Variants in ATAD1 observed in about 807,000 individuals in gnomAD.
The protein encoded by ATAD1 is ATPase family AAA domain containing 1, also known as outer mitochondrial transmembrane helix translocase.
Under a neutral mutation model 42.7 loss-of-function variants are expected in ATAD1, and 18 were observed. That is an observed-to-expected ratio of 0.42 (90% CI 0.29 to 0.63). The LOEUF (loss-of-function observed/expected upper bound fraction) is 0.63, where lower values mean the gene tolerates loss of function less well. ATAD1 is among the 20% of genes least tolerant of loss of function. The probability of loss-of-function intolerance (pLI) is 0.19; values close to 1 mark genes in which losing one functional copy is unlikely to be tolerated. For missense variants in ATAD1, 294 were observed against 440.4 expected, an observed-to-expected ratio of 0.67 and a Z score of 2.98; for synonymous variants, 132 against 143.1, an observed-to-expected ratio of 0.92 and a Z score of 0.55.
At chr10:87,802,119 T>C (rs758877274) in intron 2 of ATAD1, among the ~76,000 whole-genome samples, 20 of 152,220 alleles carry the variant, frequency 1.3e-4, no homozygotes, top group Non-Finnish European at 2.9e-4. Context: ...CTTATGGCAA[T>C]ACAGTTATTT....
chr10:87,766,572 C>T (rs1854760226), intron 8 of ATAD1, among the ~76,000 whole-genome samples: 1 of 151,956 alleles, frequency 6.6e-6, no homozygotes, highest in Admixed American at 6.6e-5. Flanking sequence ...CATATGAGGC[C>T]AGGAGTTTGA....
At chr10:87,826,219 G>A (rs1245470040) in intron 1 of ATAD1, among the ~76,000 whole-genome samples, 1 of 152,196 alleles carries the variant, frequency 6.6e-6, no homozygotes, top group Non-Finnish European at 1.5e-5. Flanking sequence ...TTTTATAGAA[G>A]CACAGGAAAC....
At chr10:87,767,088 C>T (rs1854788024) in intron 8 of ATAD1, among the ~76,000 whole-genome samples, 1 of 152,148 alleles carries the variant, frequency 6.6e-6, no homozygotes, top group Non-Finnish European at 1.5e-5. Context: ...ATGTATCTTA[C>T]ATAAAATCAG....
chr10:87,809,041 T>C (rs922863469), intron 2 of ATAD1, among the ~76,000 whole-genome samples: 12 of 152,240 alleles, frequency 7.9e-5, no homozygotes, highest in Non-Finnish European at 1.8e-4. Context: ...TATAAAAAGA[T>C]ATTTTCACTA....
intron 5 of ATAD1, among the ~76,000 whole-genome samples, chr10:87,777,429 G>A (rs1348690393): frequency 6.6e-6 from 1 of 152,108 alleles, no homozygotes; most frequent in East Asian, 1.9e-4. Flanking sequence ...TGCTAATTAC[G>A]TTGTATTATA....
chr10:87,826,506 C>T (rs945742842), intron 1 of ATAD1, among the ~76,000 whole-genome samples: 3 of 152,196 alleles, frequency 2.0e-5, no homozygotes. Context: ...ATGTTTTCTT[C>T]TTCTATAGTG....
chr10:87,792,652 C>G lies in ATAD1; in HGVS notation c.261+5G>C. On this transcript the variant is annotated splice_donor_5th_base_variant and intron_variant, in intron 3 of 9. Coordinates refer to ENST00000680024, the MANE Select transcript of ATAD1 (RefSeq NM_001321967.2). ...AAAATCTTAAATAAGATTAAAGATA[C>G]ATACATGCATATTAAGAGGGTCTAC... 1.3e-6 allele frequency: 1 copy of G among 781,336 alleles called. No homozygotes were observed. The highest frequency in any genetic ancestry group is 2.1e-6 in the Non-Finnish European group (1 of 482,458). The allele number at this position is 781,336 out of a possible 1,614,324, so 48.4% of individuals were successfully genotyped here.
At chr10:87,821,813 G>A (rs1198956582), upstream of ATAD1, among the ~76,000 whole-genome samples, 1 of 152,212 alleles carries the variant, frequency 6.6e-6, no homozygotes, top group Non-Finnish European at 1.5e-5. Flanking sequence ...ATAAATTTCT[G>A]TTGTTTAAGC....
chr10:87,795,799 CTCATT>C (rs1856359717), intron 2 of ATAD1, among the ~76,000 whole-genome samples: 1 of 152,096 alleles, frequency 6.6e-6, no homozygotes, highest in Non-Finnish European at 1.5e-5. Flanking sequence ...TGAGCTAACA[CTCATT>C]TCATTCAGGT....
chr10:87,790,185 T>A, intron 4 of ATAD1, 125 bp downstream of exon 4: 2 of 1,080,108 alleles, frequency 1.9e-6, no homozygotes, highest in Admixed American at 6.3e-5. Context: ...TTTAAGAAAC[T>A]GTTCACATAG....
chr10:87,814,907 C>G (rs532453236), intron 1 of ATAD1: 40 of 176,000 alleles, frequency 2.3e-4, no homozygotes, highest in Non-Finnish European at 4.3e-4. Context: ...GGTATTTACT[C>G]AAAACAGCTT....
Position 87,754,651 on chromosome 10 carries a change from A to G in ATAD1, c.*36T>C, listed in dbSNP as rs377416262. The G allele has an allele frequency of 2.6e-5, 41 of 1,596,702 alleles. No homozygotes were observed. The African/African-American group carries it at 3.2e-4, about 13-fold the overall frequency. ...CACTAACTGATAAGAGGACACACCA[A>G]ACTAGATCACTGAACTGTACAAATG... On this transcript the variant is annotated 3_prime_UTR_variant, in exon 10 of 10. Transcript: ENST00000680024.
chr10:87,794,868 T>C (rs1013620587), intron 2 of ATAD1, among the ~76,000 whole-genome samples: 1 of 152,224 alleles, frequency 6.6e-6, no homozygotes, highest in Non-Finnish European at 1.5e-5. Context: ...GAAAATTTTA[T>C]CTTTTCAAGT....
At chr10:87,797,472 T>C (rs1016204251) in intron 2 of ATAD1, among the ~76,000 whole-genome samples, 13 of 151,704 alleles carry the variant, frequency 8.6e-5, no homozygotes, top group Admixed American at 3.9e-4. Context: ...CTAGAGAAGG[T>C]TTCTAATGAC....
rs550303678 is a variant in ATAD1 at position 87,766,858 on chromosome 10, A to G, written c.831+815T>C. Among the ~76,000 whole-genome samples, 3 of 152,046 alleles carry G rather than the reference A, an allele frequency of 2.0e-5. No homozygotes were observed. The South Asian group carries it at 6.2e-4, about 32-fold the overall frequency. On this transcript the variant is annotated intron_variant, in intron 8 of 9. Coordinates refer to ENST00000680024, the MANE Select transcript of ATAD1 (RefSeq NM_001321967.2). ...AAAAATATATACAGGAAAAAAGAGA[A>G]GATTTTTCTCCGTGTATTATTAAAT...
intron 1 of ATAD1, among the ~76,000 whole-genome samples, chr10:87,831,297 C>T (rs1049827028): frequency 2.0e-5 from 3 of 152,162 alleles, no homozygotes; most frequent in Non-Finnish European, 4.4e-5. Flanking sequence ...GTTGTCATCC[C>T]ATGTTCAGAG....
chr10:87,835,691 A>G (rs1324055366), intron 1 of ATAD1, among the ~76,000 whole-genome samples: 2 of 151,720 alleles, frequency 1.3e-5, no homozygotes, highest in African/African-American at 4.8e-5. Flanking sequence ...CATTTTATTT[A>G]TTTGTTTTCT....
rs757596463 is a variant in ATAD1, at chr10:87,754,704, G to T, written c.1069C>A (p.His357Asn). 4 of 1,613,232 alleles carry T rather than the reference G, an allele frequency of 2.5e-6. No homozygotes were observed. The South Asian group carries it at 4.4e-5, about 18-fold the overall frequency. ...KDAAFQNVLT[H>N]VCLD Reference sequence around the variant, plus strand: ...CTTTACTCTTAATCTAAACAAACATGTGTTAAAACATTCTGAAATGCTGCA... The same window carrying T: ...CTTTACTCTTAATCTAAACAAACATTTGTTAAAACATTCTGAAATGCTGCA... Residue 357 changes from histidine (H) to asparagine (N), a missense_variant, in exon 10 of 10, where the codon CAT becomes AAT. Coordinates refer to ENST00000680024, the MANE Select transcript of ATAD1 (RefSeq NM_001321967.2).
At chr10:87,776,462 G>T in intron 5 of ATAD1, 35 bp from the exon 6 acceptor site, 3 of 1,516,502 alleles carry the variant, frequency 2.0e-6, no homozygotes, top group South Asian at 1.1e-5. Context: ...TAGAAATTAA[G>T]AATTAATTAT....
Sources: allele counts gnomAD v4.1 joint callset (sites outside exome capture counted in the v4.1 genomes callset), GRCh38; gene constraint gnomAD v4.1.1; transcripts MANE v1.5; gene names NCBI Gene and HGNC (gene_info 2026-07-23, HGNC 2026-07-21).